CCDC73: variants seen among roughly 807,000 people sequenced by gnomAD.
The protein encoded by CCDC73 is coiled-coil domain-containing protein 73.
A neutral mutation model predicts 116.5 loss-of-function variants in CCDC73; 95 were observed. The ratio of observed to expected loss-of-function variants is 0.82; its 90% CI spans 0.69 to 0.97. The LOEUF is 0.97. Among genes scored for constraint, CCDC73 ranks in the 50% least tolerant of loss-of-function variants. CCDC73 has a pLI of 0.00. For synonymous variants in CCDC73, 398 were observed against 401.3 expected (o/e 0.99, Z 0.10); for missense variants, 1,066 against 1,206.8 (o/e 0.88, Z 1.73).
intron 3 of CCDC73, among the ~76,000 whole-genome samples, chr11:32,707,485 A>T (rs1293785591): frequency 6.6e-6 from 1 of 151,998 alleles, no homozygotes; most frequent in Non-Finnish European, 1.5e-5. Flanking sequence ...TGGGAAAGTC[A>T]AAAATTTACC....
intron 2 of CCDC73, among the ~76,000 whole-genome samples, chr11:32,728,634 G>A (rs966615366): frequency 3.9e-5 from 6 of 152,180 alleles, no homozygotes; most frequent in East Asian, 1.9e-4. Context: ...ATACACAGAC[G>A]TCTATATTTA....
chr11:32,646,460 T>A (rs1855779730), intron 12 of CCDC73, among the ~76,000 whole-genome samples: 1 of 152,218 alleles, frequency 6.6e-6, no homozygotes, highest in South Asian at 2.1e-4. Context: ...ATTCTACCAA[T>A]ACTCGGCAAT....
At chr11:32,728,026 T>C (rs1394589429) in intron 2 of CCDC73, among the ~76,000 whole-genome samples, 2 of 151,968 alleles carry the variant, frequency 1.3e-5, no homozygotes, top group Admixed American at 1.3e-4. Context: ...CTGAGGCAGG[T>C]GGATCGCTTG....
At chr11:32,660,697 CTCT>C (rs1855915424) in intron 9 of CCDC73, among the ~76,000 whole-genome samples, 3 of 151,972 alleles carry the variant, frequency 2.0e-5, no homozygotes, top group Non-Finnish European at 4.4e-5. Context: ...AGTGGCATGC[CTCT>C]GGTCACAGCT....
intron 9 of CCDC73, among the ~76,000 whole-genome samples, chr11:32,657,518 C>T (rs1855884625): frequency 1.3e-5 from 2 of 152,104 alleles, no homozygotes; most frequent in African/African-American, 4.8e-5. Context: ...ATTTATCACT[C>T]CTGATTCACT....
chr11:32,710,286 A>C (rs1434004090), intron 3 of CCDC73, among the ~76,000 whole-genome samples: 1 of 152,000 alleles, frequency 6.6e-6, no homozygotes, highest in African/African-American at 2.4e-5. Flanking sequence ...GATTGTCTGT[A>C]TGTGCTCTTT....
chr11:32,776,291 T>C (rs1170556719), intron 1 of CCDC73, among the ~76,000 whole-genome samples: 2 of 152,144 alleles, frequency 1.3e-5, no homozygotes, highest in East Asian at 1.9e-4. Context: ...CTTCAATCTA[T>C]TGTGCATATT....
At chr11:32,618,386 T>C (rs1168954129) in intron 14 of CCDC73, among the ~76,000 whole-genome samples, 4 of 152,208 alleles carry the variant, frequency 2.6e-5, no homozygotes, top group African/African-American at 9.6e-5. Flanking sequence ...TTCTTTTGGC[T>C]ATATACCTGG....
At chr11:32,685,511 T>C (rs1197341215) in intron 6 of CCDC73, among the ~76,000 whole-genome samples, 1 of 151,912 alleles carries the variant, frequency 6.6e-6, no homozygotes, top group Non-Finnish European at 1.5e-5. Flanking sequence ...TAAGGCCTAG[T>C]GTGTTTAAAG....
At chr11:32,800,271 ATTATTTAT>A in the CCDC73 span, among the ~76,000 whole-genome samples, 8 of 152,090 alleles carry the variant, frequency 5.3e-5, no homozygotes, top group East Asian at 1.9e-4. Context: ...ATGTGAACTT[ATTATTTAT>A]TTATTTATTT....
chr11:32,626,167 G>T (rs1335073406), intron 14 of CCDC73, among the ~76,000 whole-genome samples: 2 of 152,074 alleles, frequency 1.3e-5, no homozygotes, highest in Non-Finnish European at 2.9e-5. Context: ...AAACCCACAA[G>T]CATTCTTATA....
intron 6 of CCDC73, among the ~76,000 whole-genome samples, chr11:32,687,312 G>A (rs545041744): frequency 1.3e-5 from 2 of 152,256 alleles, no homozygotes; most frequent in African/African-American, 4.8e-5. Context: ...TCTACTGTGG[G>A]GAGTCAGAAA....
intron 9 of CCDC73, among the ~76,000 whole-genome samples, chr11:32,662,761 C>A (rs924093991): frequency 4.6e-5 from 7 of 152,036 alleles, no homozygotes; most frequent in Admixed American, 6.6e-5. Context: ...AAGTCCTTGC[C>A]CATGCCTATG....
At chr11:32,641,086 T>C (rs1855729036) in intron 13 of CCDC73, among the ~76,000 whole-genome samples, 1 of 152,068 alleles carries the variant, frequency 6.6e-6, no homozygotes, top group Non-Finnish European at 1.5e-5. Flanking sequence ...AAGAGTTACT[T>C]ATGTAATAAT....
intron 1 of CCDC73, among the ~76,000 whole-genome samples, chr11:32,784,265 GT>G (rs1245523212): frequency 6.6e-6 from 1 of 151,802 alleles, no homozygotes; most frequent in African/African-American, 2.4e-5. Context: ...GGGAGGCAGA[GT>G]TTTGGTGAGC....
intron 1 of CCDC73, among the ~76,000 whole-genome samples, chr11:32,763,010 C>A (rs1850405858): frequency 6.6e-6 from 1 of 152,240 alleles, no homozygotes. Context: ...TCTAGCACAG[C>A]AGTCTGAGAC....
chr11:32,804,434 G>A, the CCDC73 span, among the ~76,000 whole-genome samples: 2 of 152,220 alleles, frequency 1.3e-5, no homozygotes, highest in African/African-American at 2.4e-5. Context: ...GCCAGCCAAA[G>A]ATATAATTTC....
At chr11:32,624,826 A>G (rs966554205) in intron 14 of CCDC73, among the ~76,000 whole-genome samples, 2 of 152,246 alleles carry the variant, frequency 1.3e-5, no homozygotes, top group African/African-American at 4.8e-5. Flanking sequence ...TGTGGCACAT[A>G]TATACCATGG....
chr11:32,651,588 C>A (rs181074876), intron 12 of CCDC73, among the ~76,000 whole-genome samples: 28 of 152,348 alleles, frequency 1.8e-4, no homozygotes, highest in Admixed American at 1.5e-3. Flanking sequence ...AGTGGAAATA[C>A]CTGAGCTGAG....
Sources: gnomAD v4.1 joint callset for allele counts (sites outside exome capture counted in the v4.1 genomes callset) on GRCh38, gnomAD v4.1.1 for gene constraint, MANE v1.5 for transcripts, NCBI Gene and HGNC (gene_info 2026-07-23, HGNC 2026-07-21) for gene names.